Variants in CSMD1 observed in about 807,000 individuals in gnomAD.
CSMD1 encodes the protein CUB and sushi domain-containing protein 1.
Under a neutral mutation model 417.5 loss-of-function variants are expected in CSMD1, and 213 were observed. The observed-to-expected ratio is 0.51, with a 90% CI of 0.46 to 0.57. The LOEUF is 0.57. CSMD1 is among the 20% of genes least tolerant of loss of function. The pLI is 0.00. For missense variants in CSMD1, 6,923 were observed against 4,529.7 expected (o/e 1.53, Z -15.17); for synonymous variants, 2,862 against 1,736.8 (o/e 1.65, Z -16.11).
intron 3 of CSMD1, among the ~76,000 whole-genome samples, chr8:4,109,306 T>C (rs1364321195): frequency 2.0e-5 from 3 of 152,162 alleles, no homozygotes; most frequent in Non-Finnish European, 4.4e-5. Context: ...AGCTGTATTT[T>C]TTTTCTATAT....
intron 5 of CSMD1, among the ~76,000 whole-genome samples, chr8:3,958,689 C>T (rs184809588): frequency 6.6e-6 from 1 of 152,198 alleles, no homozygotes; most frequent in East Asian, 1.9e-4. Context: ...GGAAATGGAT[C>T]AGGACATAAC....
chr8:3,218,347 G>C (rs1334358599), intron 29 of CSMD1, among the ~76,000 whole-genome samples: 2 of 151,514 alleles, frequency 1.3e-5, no homozygotes, highest in Admixed American at 6.6e-5. Flanking sequence ...GGATCATGAG[G>C]TCAGGAGATC....
chr8:4,829,687 A>G (rs995235061), intron 1 of CSMD1, among the ~76,000 whole-genome samples: 1 of 150,510 alleles, frequency 6.6e-6, no homozygotes, highest in African/African-American at 2.5e-5. Context: ...CTTCAGTGAC[A>G]TCTTTGCACC....
intron 3 of CSMD1, among the ~76,000 whole-genome samples, chr8:4,295,206 AAG>A (rs1203625966): frequency 1.1e-4 from 8 of 72,736 alleles, no homozygotes; most frequent in Non-Finnish European, 2.1e-4. Context: ...ATATAATCTT[AAG>A]ATTTTCTATA....
intron 5 of CSMD1, among the ~76,000 whole-genome samples, chr8:3,977,798 T>C (rs1187072359): frequency 3.3e-4 from 50 of 152,216 alleles, no homozygotes; most frequent in Admixed American, 3.1e-3. Flanking sequence ...AGGCTTTCAT[T>C]ACCTATTTCC....
chr8:4,725,845 A>T (rs1809398955), intron 1 of CSMD1, among the ~76,000 whole-genome samples: 1 of 151,996 alleles, frequency 6.6e-6, no homozygotes, highest in Non-Finnish European at 1.5e-5. Flanking sequence ...TGGCTAAAGG[A>T]GTTTTGAGAC....
intron 5 of CSMD1, among the ~76,000 whole-genome samples, chr8:3,920,619 A>C (rs1045070451): frequency 2.0e-5 from 3 of 152,152 alleles, no homozygotes; most frequent in Admixed American, 6.6e-5. Flanking sequence ...GGCTTGTCAT[A>C]TATGACCTTT....
intron 52 of CSMD1, among the ~76,000 whole-genome samples, chr8:3,006,409 T>C (rs1377866166): frequency 6.7e-6 from 1 of 150,186 alleles, no homozygotes; most frequent in Non-Finnish European, 1.5e-5. Context: ...CTTCACAGAA[T>C]TGGAAAAAAC....
intron 2 of CSMD1, among the ~76,000 whole-genome samples, chr8:4,453,934 G>A (rs961305172): frequency 7.1e-6 from 1 of 141,170 alleles, no homozygotes; most frequent in African/African-American, 2.6e-5. Flanking sequence ...GCATTCTCCT[G>A]CCTCAGCCTC....
At chr8:4,286,905 T>C (rs945225753) in intron 3 of CSMD1, among the ~76,000 whole-genome samples, 1 of 152,212 alleles carries the variant, frequency 6.6e-6, no homozygotes, top group South Asian at 2.1e-4. Flanking sequence ...AAGGAGTTGA[T>C]TCAAATGAAT....
chr8:4,118,060 T>G (rs754053712), intron 3 of CSMD1, among the ~76,000 whole-genome samples: 6 of 151,390 alleles, frequency 4.0e-5, no homozygotes, highest in South Asian at 2.1e-4. Context: ...CAATGAAGGG[T>G]GTAACATCGG....
rs62474693 is a variant in CSMD1 at position 3,670,550 on chromosome 8, C to G, written c.1009+37864G>C. 1.5e-4 allele frequency among the ~76,000 whole-genome samples: 17 copies of G among 110,232 alleles called. No individual in the cohort carries two copies. In the South Asian group the frequency reaches 5.1e-3, roughly 33 times the overall value. The allele number at this position is 110,232 out of a possible 152,430, so 72.3% of individuals were successfully genotyped here. ...ACATATATCCCATATACATATATCC[C>G]ATATATATATGCGATATATATATAT... On this transcript the variant is annotated intron_variant, in intron 7 of 69. Coordinates refer to ENST00000635120, the MANE Select transcript of CSMD1 (RefSeq NM_033225.6).
rs1189274006 is a variant in CSMD1, at chr8:4,317,715, C to G, written c.415+102238G>C. Among the ~76,000 whole-genome samples the G allele has an allele frequency of 2.0e-5, 3 of 152,122 alleles. No homozygotes were observed. The South Asian group carries it at 6.2e-4, about 32-fold the overall frequency. Reference sequence around the variant, plus strand: ...GAAGTGAGGTAACATAAAAGAGAAGCGATAGCTCAGCTGAGTACATGTCTG... The same window carrying G: ...GAAGTGAGGTAACATAAAAGAGAAGGGATAGCTCAGCTGAGTACATGTCTG... On this transcript the variant is annotated intron_variant, in intron 3 of 69. Transcript: ENST00000635120.
At chr8:3,266,462 C>T (rs563510652) in intron 26 of CSMD1, among the ~76,000 whole-genome samples, 9 of 151,670 alleles carry the variant, frequency 5.9e-5, no homozygotes, top group South Asian at 4.2e-4. Flanking sequence ...AAAAATTAGC[C>T]GGGCATGGTG....
rs767201371 is a variant in CSMD1 at position 3,616,786 on chromosome 8, C to A, written c.1021G>T (p.Gly341Cys). Residue 341 changes from glycine (G) to cysteine (C), a missense_variant, in exon 8 of 70, where the codon GGT (glycine) becomes TGT (cysteine). By Grantham distance (159) the Gly-to-Cys change is radical. Transcript: ENST00000635120. ...CACATGTCAGAGACCAATGCAACAC[C>A]TCCTTGGCTCACTGTAATAGACAGA... The part of the protein sequence containing the change: ...SHKNSVLSQG[G>C]VALVSDMCPD... 2 of 1,610,052 alleles carry A rather than the reference C, an allele frequency of 1.2e-6. No homozygotes were observed. The highest frequency in any genetic ancestry group is 1.7e-5 in the Admixed American group (1 of 59,798).
At chr8:4,444,534 A>T (rs1454278710) in intron 2 of CSMD1, among the ~76,000 whole-genome samples, 1 of 152,038 alleles carries the variant, frequency 6.6e-6, no homozygotes, top group Non-Finnish European at 1.5e-5. Context: ...ACGGAGAACA[A>T]TAATGTCCAT....
intron 3 of CSMD1, among the ~76,000 whole-genome samples, chr8:4,052,987 C>G (rs907383680): frequency 2.4e-4 from 37 of 152,264 alleles, no homozygotes; most frequent in African/African-American, 8.7e-4. Flanking sequence ...CCCCCTTACT[C>G]TCAGCTAAAG....
chr8:4,865,175 G>T (rs11136784), intron 1 of CSMD1, among the ~76,000 whole-genome samples: 131,413 of 151,646 alleles, frequency 0.87, 58,387 homozygotes, highest in Non-Finnish European at 0.95. Context: ...TTACTTTAAT[G>T]ACATGTTCTA....
intron 5 of CSMD1, among the ~76,000 whole-genome samples, chr8:3,772,244 GATATATACATATATTTAGACATAC>G (rs1798618852): frequency 1.8e-5 from 1 of 57,128 alleles, no homozygotes; most frequent in South Asian, 5.7e-4. Flanking sequence ...TTTATATATA[GATATATACATATATTTAGACATAC>G]ATATGTACAT....
Sources: gnomAD v4.1 joint callset for allele counts (sites outside exome capture counted in the v4.1 genomes callset) on GRCh38, gnomAD v4.1.1 for gene constraint, MANE v1.5 for transcripts, NCBI Gene and HGNC (gene_info 2026-07-23, HGNC 2026-07-21) for gene names.